SEPTIN6: variants seen among roughly 807,000 people sequenced by gnomAD.
SEPTIN6 encodes the protein septin 6, also known as septin-6.
SEPTIN6 carries 8 observed loss-of-function variants against 33.6 expected under a neutral mutation model. The ratio of observed to expected loss-of-function variants is 0.24; its 90% confidence interval spans 0.14 to 0.43. The LOEUF is 0.43. SEPTIN6 is among the 20% of genes least tolerant of loss of function. The pLI, the probability that SEPTIN6 is intolerant of heterozygous loss-of-function variation, is 1.00. For synonymous variants in SEPTIN6, 131 were observed against 140.0 expected, an observed-to-expected ratio of 0.94 and a Z score of 0.45; for missense variants, 250 against 340.8, an observed-to-expected ratio of 0.73 and a Z score of 2.10.
At chrX:119,683,050 C>T (rs1031365173) in intron 1 of SEPTIN6, among the ~76,000 whole-genome samples, 3 of 111,381 alleles carry the variant, frequency 2.7e-5, no homozygotes, top group Admixed American at 1.9e-4. Context: ...GCCAGGAATT[C>T]GAAACCAGCC....
chrX:119,677,007 C>T (rs2054853433), intron 1 of SEPTIN6, among the ~76,000 whole-genome samples: 1 of 112,276 alleles, frequency 8.9e-6, no homozygotes, highest in Non-Finnish European at 1.9e-5. Context: ...GGATCATGCT[C>T]CTCAAGCCCT....
At chrX:119,691,533 CAGAGAAT>C (rs1226714387) in intron 1 of SEPTIN6, among the ~76,000 whole-genome samples, 1 of 111,813 alleles carries the variant, frequency 8.9e-6, no homozygotes, top group East Asian at 2.8e-4. Flanking sequence ...TGCATCATCA[CAGAGAAT>C]GTCCCCTGTC....
intron 10 of SEPTIN6, chrX:119,624,155 TTG>T (rs1313985051): frequency 4.3e-6 from 1 of 232,690 alleles, no homozygotes; most frequent in Non-Finnish European, 7.9e-6. Context: ...TTTTTTTTTT[TTG>T]TTTTTTTTTT....
At chrX:119,635,008 C>CAAAAA (rs56090830) in intron 7 of SEPTIN6, 24 of 146,605 alleles carry the variant, frequency 1.6e-4, no homozygotes, top group Non-Finnish European at 2.2e-4. Flanking sequence ...GACTCTGTCT[C>CAAAAA]AAAAAAAAAA....
chrX:119,625,544 CTTTTT>C (rs745338582), intron 9 of SEPTIN6, 165 bp from the exon 10 acceptor site: 58 of 349,862 alleles, frequency 1.7e-4, no homozygotes, highest in Admixed American at 3.1e-4. Flanking sequence ...CACTGATACT[CTTTTT>C]TTTTTTTTTT....
At chrX:119,692,474 C>A (rs1026375612) in intron 1 of SEPTIN6, among the ~76,000 whole-genome samples, 1 of 111,688 alleles carries the variant, frequency 9.0e-6, no homozygotes, top group African/African-American at 3.2e-5. Context: ...GCCGCCGCCG[C>A]CCGCCCGGGA....
In SEPTIN6 at chrX:119,629,167, C is replaced by T. The variant is rs776817969; in HGVS notation, c.1280+151G>A. 111 of 506,063 alleles carry T rather than the reference C, an allele frequency of 2.2e-4. No individual in the cohort carries two copies. The African/African-American group carries it at 2.4e-3, about 11-fold the overall frequency. 41.7% of individuals were successfully genotyped at this position (506,063 alleles called of 1,213,427 possible). On this transcript the variant is annotated intron_variant, in intron 9 of 10. Transcript: ENST00000394610. ...GGAATCCAAAGGTGCCACAGGGATG[C>T]TGGGACCAGTTATAGGTACCTCAAC... is the stretch of plus-strand genomic sequence containing the variant.
At chrX:119,634,104 C>T (rs1052419114) in intron 7 of SEPTIN6, among the ~76,000 whole-genome samples, 1 of 111,888 alleles carries the variant, frequency 8.9e-6, no homozygotes. Context: ...CAGTGGCTCA[C>T]GCCTGTAATT....
Position 119,650,017 on chromosome X carries a change from C to T in SEPTIN6, c.610G>A (p.Glu204Lys). 3 of 1,211,005 alleles carry T rather than the reference C, an allele frequency of 2.5e-6. No individual in the cohort carries two copies. The highest frequency in any genetic ancestry group is 3.4e-6 in the Non-Finnish European group (3 of 894,823). ...LTKFKIKITS[E>K]LVSNGVQIYQ... is the part of the protein sequence containing the mutation. ...ATCTGGACTCCGTTGCTGACAAGCT[C>T]GCTGGTGATTTTGATTTTGAACTTT... is the stretch of plus-strand genomic sequence containing the variant. Residue 204 changes from glutamate (E) to lysine (K), a missense_variant, in exon 5 of 11, where the codon GAG becomes AAG. Physicochemically the swap from Glu to Lys is moderately conservative, Grantham distance 56. Around this residue, in one of 2 missense-constraint regions of SEPTIN6, gnomAD observed 139 missense variants for 227.0 expected, o/e 0.61. Transcript: ENST00000394610.
At chrX:119,678,452 T>G (rs4061712) in intron 1 of SEPTIN6, among the ~76,000 whole-genome samples, 13,615 of 106,429 alleles carry the variant, frequency 0.13, 1,103 homozygotes, top group Admixed American at 0.37. Context: ...CCTGGGAGGC[T>G]GAGCTTGCAG....
Position 119,618,500 on chromosome X carries a change from TTGAC to T in SEPTIN6, c.*1589_*1592del, listed in dbSNP as rs1686340971. 3.2e-6 allele frequency: 3 copies of T among 926,201 alleles called. No individual in the cohort carries two copies. The highest frequency in any genetic ancestry group is 4.0e-6 in the Non-Finnish European group (3 of 746,876). 76.3% of individuals were successfully genotyped at this position (926,201 alleles called of 1,213,427 possible). On this transcript the variant is annotated 3_prime_UTR_variant, in exon 11 of 11. Coordinates refer to ENST00000394610, the MANE Select transcript of SEPTIN6 (RefSeq NM_145799.4). Reference sequence around the variant, plus strand: ...GCCTGGAAATTTGGCATAACCTTGTTTGACTGTGTGCTTTGAAAGTAAGTGATCA... The same window carrying T: ...GCCTGGAAATTTGGCATAACCTTGTTTGTGTGCTTTGAAAGTAAGTGATCA...
Position 119,616,999 on chromosome X carries a change from A to C in SEPTIN6, c.*3094T>G. ...AGCACATATTAACAGCCACATGTGA[A>C]TGCCAAATGATTAAAACAAAAAAAC... On this transcript the variant is annotated 3_prime_UTR_variant, in exon 11 of 11. Transcript: ENST00000394610. 9.9e-7 allele frequency: 1 copy of C among 1,005,186 alleles called. No individual in the cohort carries two copies. 82.8% of individuals were successfully genotyped at this position (1,005,186 alleles called of 1,213,427 possible). A position where few individuals can be genotyped will look rare whatever the true frequency, so the allele number is the denominator to read the frequency against.
At chrX:119,690,348 T>TACAC (rs1196119691) in intron 1 of SEPTIN6, among the ~76,000 whole-genome samples, 876 of 74,954 alleles carry the variant, frequency 0.012, 10 homozygotes, top group South Asian at 0.022. Context: ...TACATACACA[T>TACAC]ACACACACAC....
intron 1 of SEPTIN6, among the ~76,000 whole-genome samples, chrX:119,679,347 T>C (rs1287122025): frequency 1.8e-5 from 2 of 111,778 alleles, no homozygotes; most frequent in South Asian, 3.7e-4. Flanking sequence ...AGGGCCATGA[T>C]ACAGGGAGTG....
At chrX:119,673,054 C>T (rs1249011854) in intron 2 of SEPTIN6, among the ~76,000 whole-genome samples, 1 of 111,750 alleles carries the variant, frequency 8.9e-6, no homozygotes, top group Non-Finnish European at 1.9e-5. Flanking sequence ...AACTGAAGCA[C>T]ATATTTTCAT....
chrX:119,649,501 A>AG (rs1179839567), intron 5 of SEPTIN6, among the ~76,000 whole-genome samples: 1 of 107,669 alleles, frequency 9.3e-6, no homozygotes, highest in East Asian at 2.9e-4. Flanking sequence ...AAAAAAAAAA[A>AG]AAAGTAAAAG....
chrX:119,626,639 C>T (rs1449729608), intron 9 of SEPTIN6, among the ~76,000 whole-genome samples: 1 of 110,811 alleles, frequency 9.0e-6, no homozygotes, highest in Non-Finnish European at 1.9e-5. Context: ...GTGAATTTGA[C>T]ATATAGTATT....
chrX:119,657,150 C>T (rs1488854153), intron 3 of SEPTIN6, among the ~76,000 whole-genome samples: 3 of 103,250 alleles, frequency 2.9e-5, no homozygotes, highest in Middle Eastern at 4.9e-3. Context: ...ACCTGGGAGG[C>T]GGAGGTTGCA....
At position 119,649,997 on chromosome X, in the gene SEPTIN6, G is replaced by T; in HGVS notation, c.630C>A (p.Val210=). ...CATCTGTAGGAAACTGATAGATCTGGACTCCGTTGCTGACAAGCTCGCTGG... is the reference window on the plus strand; with the variant it reads ...CATCTGTAGGAAACTGATAGATCTGTACTCCGTTGCTGACAAGCTCGCTGG... ...KITSELVSNG[V]QIYQFPTDDE... is the part of the protein sequence containing the mutation. The change falls in exon 5 of 11, where the codon GTC becomes GTA. Residue 210 remains valine, a synonymous_variant. Coordinates refer to ENST00000394610, the MANE Select transcript of SEPTIN6 (RefSeq NM_145799.4). 8.3e-7 allele frequency: 1 copy of T among 1,211,491 alleles called. No individual in the cohort carries two copies. Among genetic ancestry groups the T allele is most frequent in the African/African-American group, 1.7e-5 (1 of 57,934 alleles).
Sources: allele counts gnomAD v4.1 joint callset (sites outside exome capture counted in the v4.1 genomes callset), GRCh38; gene constraint gnomAD v4.1.1; regional missense constraint gnomAD v4.1.1; transcripts MANE v1.5; gene names NCBI Gene and HGNC (gene_info 2026-07-23, HGNC 2026-07-21).